SEC24C: variants seen among roughly 807,000 people sequenced by gnomAD.
SEC24C encodes the protein SEC24 homolog C, COPII component, also known as protein transport protein Sec24C.
SEC24C carries 22 observed loss-of-function variants against 117.0 expected under a neutral mutation model. The ratio of observed to expected loss-of-function variants is 0.19; its 90% confidence interval spans 0.13 to 0.27. The LOEUF (loss-of-function observed/expected upper bound fraction) is 0.27, where lower values mean the gene tolerates loss of function less well. Ranked by LOEUF, SEC24C falls within the 10% of genes least tolerant of loss-of-function variation. The pLI, the probability that SEC24C is intolerant of heterozygous loss-of-function variation, is 1.00. For synonymous variants in SEC24C, 506 were observed against 529.4 expected, an observed-to-expected ratio of 0.96 and a Z score of 0.61; for missense variants, 1,155 against 1,375.1, an observed-to-expected ratio of 0.84 and a Z score of 2.53.
chr10:73,769,294 A>G lies in SEC24C; in HGVS notation c.2425-53A>G, dbSNP rs983954623. The G allele has an allele frequency of 6.2e-6, 10 of 1,606,596 alleles. No homozygotes were observed. Among genetic ancestry groups the G allele is most frequent in the Non-Finnish European group, 7.7e-6 (9 of 1,176,360 alleles). ...CTCTCTTCCAGTTTAATAGTGTAGC[A>G]AAGGGCCTTTGTGAGGGAGGGGTGT... On this transcript the variant is annotated intron_variant, in intron 17 of 22. Coordinates refer to ENST00000345254, the MANE Select transcript of SEC24C (RefSeq NM_198597.3). This position sits in a 1 kb window ranked among gnomAD's most constrained non-coding sequence, Gnocchi z 4.5.
At chr10:73,766,945 G>A in intron 13 of SEC24C, 92 bp downstream of exon 13, 2 of 1,388,018 alleles carry the variant, frequency 1.4e-6, no homozygotes, top group South Asian at 1.2e-5. Context: ...TTCAGTAGTG[G>A]GTGACTGTCC....
intron 3 of SEC24C, 66 bp downstream of exon 3, chr10:73,751,309 C>G: frequency 6.6e-7 from 1 of 1,504,046 alleles, no homozygotes; most frequent in Non-Finnish European, 9.0e-7. Context: ...GCCTGTAATC[C>G]CAGCACTTTG....
chr10:73,761,612 C>T (rs921228044), intron 6 of SEC24C, among the ~76,000 whole-genome samples: 1 of 152,152 alleles, frequency 6.6e-6, no homozygotes, highest in Non-Finnish European at 1.5e-5. Flanking sequence ...CCTCTTCCTC[C>T]TTTGGGTAAC....
intron 3 of SEC24C, among the ~76,000 whole-genome samples, chr10:73,756,475 A>T (rs1459014757): frequency 2.6e-5 from 4 of 152,200 alleles, no homozygotes; most frequent in African/African-American, 9.7e-5. Context: ...TGGACATGAC[A>T]TCTTTTTGGA....
chr10:73,751,687 C>T (rs1565036306), intron 3 of SEC24C: 1 of 152,178 alleles, frequency 6.6e-6, no homozygotes, highest in Non-Finnish European at 1.5e-5. Flanking sequence ...CTTCCCTCTA[C>T]CCTTTTGTAC....
chr10:73,765,184 T>C (rs1457549419), intron 8 of SEC24C, among the ~76,000 whole-genome samples: 1 of 152,218 alleles, frequency 6.6e-6, no homozygotes, highest in East Asian at 1.9e-4. Flanking sequence ...TAGTCTGATA[T>C]GGCCGGTTTT....
intron 7 of SEC24C, 90 bp from the exon 8 acceptor site, chr10:73,763,766 T>C: frequency 4.2e-6 from 6 of 1,419,480 alleles, no homozygotes; most frequent in Non-Finnish European, 5.8e-6. Context: ...ACCTCTAGCT[T>C]TGTGGAGTTG....
Position 73,769,084 on chromosome 10 carries a change from G to T in SEC24C, c.2356G>T (p.Asp786Tyr). ...TDVELAGLDG[D>Y]KTVTVEFKHD... ...TGTGGAGCTGGCTGGGCTAGATGGG[G>T]ACAAAACAGTGACTGTGGAGTTCAA... The change falls in exon 17 of 23, where the codon GAC (aspartate) becomes TAC (tyrosine). Residue 786 changes from aspartate to tyrosine, a missense_variant. This residue lies in a region of SEC24C where 759 missense variants were observed against 992.3 expected (regional missense o/e 0.76). Coordinates refer to ENST00000345254, the MANE Select transcript of SEC24C (RefSeq NM_198597.3). The surrounding 1 kb of genome is among the most constrained non-coding windows in gnomAD (Gnocchi z 4.5). The T allele has an allele frequency of 2.5e-6, 4 of 1,614,218 alleles. No homozygotes were observed. The highest frequency in any genetic ancestry group is 3.4e-6 in the Non-Finnish European group (4 of 1,180,032).
At position 73,767,865 on chromosome 10, in the gene SEC24C, A is replaced by T; in HGVS notation, c.2039A>T (p.Tyr680Phe). ...CTGTTCCAGCCTCAGACAGGTGCCT[A>T]TCAGACCCTGGCCAAAGAGTGTGTG... is the stretch of plus-strand genomic sequence containing the variant. ...KTLFQPQTGA[Y>F]QTLAKECVAQ... Residue 680 changes from tyrosine to phenylalanine, a missense_variant, in exon 15 of 23, where the codon TAT becomes TTT. Physicochemically the swap from Tyr to Phe is conservative, Grantham distance 22 (BLOSUM62 3). This residue lies in a region of SEC24C where 759 missense variants were observed against 992.3 expected (regional missense o/e 0.76). Transcript: ENST00000345254. The T allele has an allele frequency of 6.2e-7, 1 of 1,613,008 alleles. No individual in the cohort carries two copies. Among genetic ancestry groups the T allele is most frequent in the African/African-American group, 1.3e-5 (1 of 74,974 alleles).
chr10:73,766,141 A>G lies in SEC24C; in HGVS notation c.1538A>G (p.Asn513Ser), dbSNP rs1198296712. The G allele has an allele frequency of 1.9e-6, 3 of 1,613,770 alleles. No homozygotes were observed. The highest frequency in any genetic ancestry group is 2.5e-6 in the Non-Finnish European group (3 of 1,179,896). The change falls in exon 11 of 23, where the codon AAT becomes AGT. Residue 513 changes from asparagine (N) to serine (S), a missense_variant. Around this residue, in one of 2 missense-constraint regions of SEC24C, gnomAD observed 759 missense variants for 992.3 expected, o/e 0.76. Coordinates refer to ENST00000345254, the MANE Select transcript of SEC24C (RefSeq NM_198597.3). ...AFIFMIDVSY[N>S]AIRTGLVRLL... ...ATCTTCATGATTGACGTCTCCTACA[A>G]TGCCATCAGGACTGGTCTTGTTAGG... is the stretch of plus-strand genomic sequence containing the variant.
chr10:73,770,226 G>A (rs1347232761), intron 20 of SEC24C, 54 bp from the exon 21 acceptor site: 3 of 1,517,302 alleles, frequency 2.0e-6, no homozygotes, highest in Admixed American at 2.0e-5. Flanking sequence ...GGTGCGGGGG[G>A]GCAGACTTGT....
At chr10:73,756,051 C>T (rs1015731949) in intron 3 of SEC24C, among the ~76,000 whole-genome samples, 3 of 152,134 alleles carry the variant, frequency 2.0e-5, no homozygotes, top group Admixed American at 1.3e-4. Context: ...GAGGTTTCAC[C>T]GTGTTGGCCA....
rs537313421 is a variant in SEC24C at position 73,744,829 on chromosome 10, C to T, written c.-29+392C>T. Reference sequence around the variant, plus strand: ...TTGCCCCGCCCCCTTGGGTTGTCACCCTCGACTATCCACCCAGAATGGAGT... The same window carrying T: ...TTGCCCCGCCCCCTTGGGTTGTCACTCTCGACTATCCACCCAGAATGGAGT... On this transcript the variant is annotated intron_variant, in intron 1 of 22. Coordinates refer to ENST00000345254, the MANE Select transcript of SEC24C (RefSeq NM_198597.3). 2.6e-5 allele frequency among the ~76,000 whole-genome samples: 4 copies of T among 152,264 alleles called. No individual in the cohort carries two copies. In the South Asian group the frequency reaches 8.3e-4, roughly 32 times the overall value.
chr10:73,769,892 G>A lies in SEC24C; in HGVS notation c.2739G>A (p.Lys913=), dbSNP rs2082946580. The A allele has an allele frequency of 3.1e-6, 5 of 1,614,210 alleles. No homozygotes were observed. The East Asian group carries it at 1.1e-4, about 36-fold the overall frequency. The change falls in exon 20 of 23, where the codon AAG becomes AAA. Residue 913 remains lysine (K), a synonymous_variant. Coordinates refer to ENST00000345254, the MANE Select transcript of SEC24C (RefSeq NM_198597.3). This position sits in a 1 kb window ranked among gnomAD's most constrained non-coding sequence, Gnocchi z 4.5. ...LLPVYLNCVL[K]SDVLQPGAEV... is the part of the protein sequence containing the mutation. ...CAGTTTACCTGAACTGTGTGTTGAA[G>A]AGTGATGTCCTGCAGCCTGGAGCTG... is the stretch of plus-strand genomic sequence containing the variant.
At chr10:73,756,840 C>G (rs930644017) in intron 3 of SEC24C, among the ~76,000 whole-genome samples, 1 of 148,318 alleles carries the variant, frequency 6.7e-6, no homozygotes, top group Non-Finnish European at 1.5e-5. Context: ...TCAAGTGATT[C>G]ACCTGTGTTG....
rs1341158086 is a variant in SEC24C, at chr10:73,763,877, T to G, written c.1121T>G (p.Ile374Ser). 1 of 1,613,658 alleles carries G rather than the reference T, an allele frequency of 6.2e-7. No individual in the cohort carries two copies. The highest frequency in any genetic ancestry group is 8.5e-7 in the Non-Finnish European group (1 of 1,179,892). Residue 374 changes from isoleucine (I) to serine (S), a missense_variant, in exon 8 of 23, where the codon ATC becomes AGC. Physicochemically the swap from Ile to Ser is moderately radical, Grantham distance 142. Transcript: ENST00000345254. The stretch of plus-strand genomic sequence containing the variant: ...TCAGGGAATGCAAGTCCCCGATACA[T>G]CCGATGTACATCCTATAATATCCCT... ...KDQGNASPRY[I>S]RCTSYNIPCT...
Position 73,771,393 on chromosome 10 carries a change from C to T in SEC24C, c.*298C>T. ...ATTCGGTATTGGGGGTTTGGAGGCA[C>T]CCAGACCCTGGCAATATTATGTGTC... On this transcript the variant is annotated 3_prime_UTR_variant, in exon 23 of 23. Transcript: ENST00000345254. 3.1e-6 allele frequency: 1 copy of T among 324,814 alleles called. No homozygotes were observed. Among genetic ancestry groups the T allele is most frequent in the East Asian group, 6.7e-5 (1 of 14,878 alleles). The allele number at this position is 324,814 out of a possible 1,614,324, so 20.1% of individuals were successfully genotyped here.
chr10:73,744,674 G>C (rs1003772528), intron 1 of SEC24C, among the ~76,000 whole-genome samples: 1 of 152,074 alleles, frequency 6.6e-6, no homozygotes, highest in African/African-American at 2.4e-5. Flanking sequence ...GGTGCAAGAC[G>C]TTTGGTCTCT....
At chr10:73,748,661 TC>T (rs1348327269) in intron 2 of SEC24C, among the ~76,000 whole-genome samples, 2 of 152,094 alleles carry the variant, frequency 1.3e-5, no homozygotes, top group African/African-American at 4.8e-5. Flanking sequence ...GGTCTCAAAC[TC>T]CTGGCCTCAG....
Sources: gnomAD v4.1 joint callset for allele counts (sites outside exome capture counted in the v4.1 genomes callset) on GRCh38, gnomAD v4.1.1 for gene constraint, gnomAD v4.1.1 regional missense constraint, Gnocchi (gnomAD v3.1) non-coding constraint, MANE v1.5 for transcripts, NCBI Gene and HGNC (gene_info 2026-07-23, HGNC 2026-07-21) for gene names.